Variants in CHST15 observed in about 807,000 individuals in gnomAD.
The protein encoded by CHST15 is carbohydrate sulfotransferase 15.
Under a neutral mutation model 53.6 loss-of-function variants are expected in CHST15, and 30 were observed. The observed-to-expected ratio is 0.56, with a 90% CI of 0.42 to 0.76. The LOEUF is 0.76. CHST15 is among the 30% of genes least tolerant of loss of function. CHST15 has a pLI of 0.00. For synonymous variants in CHST15, 296 were observed against 289.8 expected, an observed-to-expected ratio of 1.02 and a Z score of -0.22; for missense variants, 627 against 740.5, an observed-to-expected ratio of 0.85 and a Z score of 1.78.
At chr10:124,026,840 G>A (rs35147392) in intron 5 of CHST15, among the ~76,000 whole-genome samples, 319 of 152,334 alleles carry the variant, frequency 2.1e-3, no homozygotes, top group Non-Finnish European at 3.3e-3. Context: ...GCGGGCAGAA[G>A]GTTCGGGAAG....
intron 1 of CHST15, among the ~76,000 whole-genome samples, chr10:124,058,550 G>A (rs113323854): frequency 2.0e-5 from 3 of 152,338 alleles, no homozygotes; most frequent in African/African-American, 4.8e-5. Context: ...GCAGGCGAAC[G>A]AAGCTGTTAT....
At chr10:124,029,414 T>G (rs1435643644) in intron 5 of CHST15, among the ~76,000 whole-genome samples, 4 of 152,220 alleles carry the variant, frequency 2.6e-5, no homozygotes, top group Admixed American at 6.5e-5. Context: ...GAATGGCAGG[T>G]GCCCTGTTTG....
rs1416922889 is a variant in CHST15, at chr10:124,008,992, A to G, written c.*1157T>C. On this transcript the variant is annotated 3_prime_UTR_variant, in exon 8 of 8. Coordinates refer to ENST00000435907, the MANE Select transcript of CHST15 (RefSeq NM_001270764.2). ...TTCCAAATCTCAACACGCCACGTTC[A>G]GCCCAAGTTCAGCTTGTGCATTGTG... 7.8e-7 allele frequency: 1 copy of G among 1,289,192 alleles called. No homozygotes were observed. The highest frequency in any genetic ancestry group is 1.2e-5 in the South Asian group (1 of 81,022). The allele number at this position is 1,289,192 out of a possible 1,614,324, so 79.9% of individuals were successfully genotyped here. A position where few individuals can be genotyped will look rare whatever the true frequency, so the allele number is the denominator to read the frequency against.
chr10:124,087,813 C>T (rs560147611), intron 1 of CHST15, among the ~76,000 whole-genome samples: 1 of 151,832 alleles, frequency 6.6e-6, no homozygotes, highest in African/African-American at 2.4e-5. Flanking sequence ...CCTAGAGCCA[C>T]GCGGTCTCCT....
At chr10:124,018,294 G>A (rs1946654435) in intron 6 of CHST15, among the ~76,000 whole-genome samples, 1 of 152,088 alleles carries the variant, frequency 6.6e-6, no homozygotes, top group Non-Finnish European at 1.5e-5. Flanking sequence ...GTCTCCTGAC[G>A]ATGTCACACA....
Position 124,084,480 on chromosome 10 carries a change from C to T in CHST15, c.-513+8989G>A, listed in dbSNP as rs748774336. ...GCTCCCCCATACCAGGGGCAAATGG[C>T]CTGCCCAGCTCCTGCTGCCCATCAA... On this transcript the variant is annotated intron_variant, in intron 1 of 7. Transcript: ENST00000435907. Among the ~76,000 whole-genome samples, 4 of 117,372 alleles carry T rather than the reference C, an allele frequency of 3.4e-5. No individual in the cohort carries two copies. In the Admixed American group the frequency reaches 3.5e-4, roughly 10 times the overall value. The allele number at this position is 117,372 out of a possible 152,430, so 77.0% of individuals were successfully genotyped here. A position where few individuals can be genotyped will look rare whatever the true frequency, so the allele number is the denominator to read the frequency against.
intron 6 of CHST15, 137 bp from the exon 7 acceptor site, chr10:124,012,617 AAC>A (rs1489144325): frequency 1.0e-6 from 1 of 970,008 alleles, no homozygotes; most frequent in East Asian, 2.6e-5. Flanking sequence ...GCTGGATTTT[AAC>A]ACAAGGTGTT....
At chr10:124,014,972 G>C (rs906716174) in intron 6 of CHST15, among the ~76,000 whole-genome samples, 2 of 152,088 alleles carry the variant, frequency 1.3e-5, no homozygotes, top group Admixed American at 1.3e-4. Context: ...AAACCGCAGG[G>C]GCTGCAGGCG....
At chr10:124,020,720 A>C in intron 6 of CHST15, 1 of 1,009,778 alleles carries the variant, frequency 9.9e-7, no homozygotes, top group Non-Finnish European at 1.2e-6. Flanking sequence ...AAGGTGCTGA[A>C]TTCACCAATA....
intron 5 of CHST15, among the ~76,000 whole-genome samples, chr10:124,022,885 C>G (rs1946840510): frequency 7.0e-6 from 1 of 143,118 alleles, no homozygotes; most frequent in Non-Finnish European, 1.5e-5. Context: ...GGCGTGATCT[C>G]AGCTCACTGC....
At chr10:124,045,469 C>G (rs1947960360) in intron 2 of CHST15, among the ~76,000 whole-genome samples, 198 bp downstream of exon 2, 1 of 152,212 alleles carries the variant, frequency 6.6e-6, no homozygotes, top group African/African-American at 2.4e-5. Context: ...CAGCAGATTC[C>G]CTTCCTGGCA....
chr10:124,029,196 T>A (rs1947124195), intron 5 of CHST15, among the ~76,000 whole-genome samples: 1 of 152,234 alleles, frequency 6.6e-6, no homozygotes, highest in Non-Finnish European at 1.5e-5. Flanking sequence ...AAAGGCCATT[T>A]AATGTAGCTG....
intron 1 of CHST15, among the ~76,000 whole-genome samples, chr10:124,050,398 G>T (rs1948149661): frequency 6.6e-6 from 1 of 152,214 alleles, no homozygotes; most frequent in African/African-American, 2.4e-5. Flanking sequence ...TAAAGAAAAG[G>T]GGGAGAGAGC....
chr10:124,012,305 C>A, intron 7 of CHST15, 28 bp downstream of exon 7: 2 of 1,598,778 alleles, frequency 1.3e-6, no homozygotes, highest in Non-Finnish European at 1.7e-6. Context: ...CATGCTTTGG[C>A]CCGTCAGTCT....
chr10:124,073,530 C>T (rs566866915), intron 1 of CHST15, among the ~76,000 whole-genome samples: 20 of 152,174 alleles, frequency 1.3e-4, no homozygotes, highest in Non-Finnish European at 2.6e-4. Context: ...AAGCAGCACA[C>T]TTAGGATAGA....
At chr10:124,041,017 T>C (rs7919511) in intron 4 of CHST15, among the ~76,000 whole-genome samples, 1,558 of 152,254 alleles carry the variant, frequency 0.01, 29 homozygotes, top group African/African-American at 0.035. Flanking sequence ...CACAATGAAA[T>C]GTAAGTCAGA....
intron 5 of CHST15, 63 bp downstream of exon 5, chr10:124,038,452 G>T: frequency 6.4e-7 from 1 of 1,564,014 alleles, no homozygotes; most frequent in African/African-American, 1.4e-5. Context: ...GTCATGAGAG[G>T]GGAACACTGT....
chr10:124,040,865 G>T (rs1352927667), intron 4 of CHST15, among the ~76,000 whole-genome samples: 1 of 152,190 alleles, frequency 6.6e-6, no homozygotes, highest in Admixed American at 6.5e-5. Context: ...TTAAAATCTT[G>T]GAGCAAGCAA....
At chr10:124,089,068 A>C (rs77290872) in intron 1 of CHST15, among the ~76,000 whole-genome samples, 4,549 of 152,290 alleles carry the variant, frequency 0.03, 263 homozygotes, top group East Asian at 0.21. Flanking sequence ...GCCTCCCAAC[A>C]CTTAGCCAGC....
Sources: gnomAD v4.1 joint callset for allele counts (sites outside exome capture counted in the v4.1 genomes callset) on GRCh38, gnomAD v4.1.1 for gene constraint, MANE v1.5 for transcripts, NCBI Gene and HGNC (gene_info 2026-07-23, HGNC 2026-07-21) for gene names.